Variants in GRAMD1C observed in about 807,000 individuals in gnomAD.
The protein encoded by GRAMD1C is GRAM domain containing 1C.
In GRAMD1C, 89 loss-of-function variants were observed where a neutral mutation model predicts 97.8. The observed-to-expected ratio is 0.91, with a 90% CI of 0.77 to 1.09. The LOEUF (loss-of-function observed/expected upper bound fraction) is 1.09. Among genes scored for constraint, GRAMD1C ranks in the 50% least tolerant of loss-of-function variants. GRAMD1C has a pLI of 0.00. For missense variants in GRAMD1C, 740 were observed against 766.4 expected, an observed-to-expected ratio of 0.97 and a Z score of 0.41; for synonymous variants, 256 against 267.0, an observed-to-expected ratio of 0.96 and a Z score of 0.40.
chr3:113,920,094 T>C, intron 10 of GRAMD1C: 2 of 1,299,242 alleles, frequency 1.5e-6, no homozygotes, highest in South Asian at 1.3e-5. Context: ...CAGGAGATCA[T>C]TTTATGAAGA....
rs375840725 is a variant in GRAMD1C, at chr3:113,915,567, C to G, written c.953-134C>G. 5 of 624,386 alleles carry G rather than the reference C, an allele frequency of 8.0e-6. No homozygotes were observed. In the East Asian group the frequency reaches 1.4e-4, roughly 18 times the overall value. The allele number at this position is 624,386 out of a possible 1,614,324, so 38.7% of individuals were successfully genotyped here. A position where few individuals can be genotyped will look rare whatever the true frequency, so the allele number is the denominator to read the frequency against. ...AGTTTTAATAGTGTCCTAGAATGTT[C>G]TCCTCATTGTAATCATATTTAAAAA... is the stretch of plus-strand genomic sequence containing the variant. On this transcript the variant is annotated intron_variant, in intron 9 of 17. Transcript: ENST00000358160.
chr3:113,882,862 A>C (rs1577159914), intron 6 of GRAMD1C, 30 bp downstream of exon 6: 2 of 1,080,734 alleles, frequency 1.9e-6, no homozygotes, highest in East Asian at 4.7e-5. Context: ...GCAGTTGCTT[A>C]TTATAAGAAC....
intron 2 of GRAMD1C, among the ~76,000 whole-genome samples, chr3:113,848,368 A>G (rs1933706786): frequency 6.6e-6 from 1 of 152,216 alleles, no homozygotes; most frequent in Non-Finnish European, 1.5e-5. Flanking sequence ...TGCCTTTCTG[A>G]CAGTAAGACT....
chr3:113,933,511 A>G lies in GRAMD1C; in HGVS notation c.1210A>G (p.Thr404Ala). 2 of 1,607,836 alleles carry G rather than the reference A, an allele frequency of 1.2e-6. No individual in the cohort carries two copies. The highest frequency in any genetic ancestry group is 8.5e-7 in the Non-Finnish European group (1 of 1,174,490). The change falls in exon 12 of 18, where the codon ACA (threonine) becomes GCA (alanine). Residue 404 changes from threonine to alanine, a missense_variant and splice_region_variant. By Grantham distance (58) the Thr-to-Ala change is moderately conservative. Transcript: ENST00000358160. ...AACATTTTTTATCTTACTTTGGCAG[A>G]CACTGTATAAAGAAAGTCGGGAAGC... Reference protein sequence around the residue: ...GKCTAATEKQTLYKESREARF... With the variant: ...GKCTAATEKQALYKESREARF...
At chr3:113,940,807 A>G (rs1937740381) in intron 17 of GRAMD1C, among the ~76,000 whole-genome samples, 1 of 152,234 alleles carries the variant, frequency 6.6e-6, no homozygotes. Flanking sequence ...ACAGCTGCAT[A>G]AGATTCAACT....
Position 113,896,950 on chromosome 3 carries a change from G to A in GRAMD1C, c.541-4081G>A, listed in dbSNP as rs531472675. Among the ~76,000 whole-genome samples, 74 of 152,234 alleles carry A rather than the reference G, an allele frequency of 4.9e-4. No homozygotes were observed. The Middle Eastern group carries it at 0.014, about 28-fold the overall frequency. On this transcript the variant is annotated intron_variant, in intron 6 of 17. Transcript: ENST00000358160. Reference sequence around the variant, plus strand: ...TATTATAGTCCAGATCACTGCCAGGGAATTATTCTAAATACACCAAAGTCA... The same window carrying A: ...TATTATAGTCCAGATCACTGCCAGGAAATTATTCTAAATACACCAAAGTCA...
At chr3:113,906,907 T>G (rs1382389012) in intron 8 of GRAMD1C, among the ~76,000 whole-genome samples, 1 of 152,220 alleles carries the variant, frequency 6.6e-6, no homozygotes, top group Admixed American at 6.5e-5. Context: ...TCCCACTGTG[T>G]TATACTGCCT....
At chr3:113,835,785 C>T (rs1709622452), upstream of GRAMD1C, among the ~76,000 whole-genome samples, 1 of 152,116 alleles carries the variant, frequency 6.6e-6, no homozygotes, top group Admixed American at 6.6e-5. Context: ...TACCCAGTGG[C>T]CTTCTTTTTG....
At chr3:113,923,835 A>G (rs1937144246) in intron 10 of GRAMD1C, among the ~76,000 whole-genome samples, 1 of 152,158 alleles carries the variant, frequency 6.6e-6, no homozygotes, top group Non-Finnish European at 1.5e-5. Context: ...ATTTTTTTGA[A>G]TAGTTTCAGT....
intron 3 of GRAMD1C, among the ~76,000 whole-genome samples, chr3:113,874,474 G>A (rs961954432): frequency 1.3e-4 from 19 of 151,892 alleles, no homozygotes; most frequent in African/African-American, 4.4e-4. Flanking sequence ...TCAGCCTCCT[G>A]AGTAGCTGGG....
chr3:113,845,972 A>T (rs1933593729), intron 2 of GRAMD1C, among the ~76,000 whole-genome samples: 1 of 152,178 alleles, frequency 6.6e-6, no homozygotes, highest in Non-Finnish European at 1.5e-5. Context: ...TTTCTAAGGA[A>T]AATATTTAAT....
Position 113,853,106 on chromosome 3 carries a change from A to C in GRAMD1C, c.174+8457A>C, listed in dbSNP as rs115147689. On this transcript the variant is annotated intron_variant, in intron 2 of 17. Coordinates refer to ENST00000358160, the MANE Select transcript of GRAMD1C (RefSeq NM_017577.5). Reference sequence around the variant, plus strand: ...ATTGTAAGGACAATAGAAGGAATTAAAAGTAGTATAAATGGATAGGAAATT... The same window carrying C: ...ATTGTAAGGACAATAGAAGGAATTACAAGTAGTATAAATGGATAGGAAATT... 9.5e-3 allele frequency among the ~76,000 whole-genome samples: 1,450 copies of C among 152,310 alleles called. 20 individuals are homozygous for C. The highest frequency in any genetic ancestry group is 0.032 in the African/African-American group (1,351 of 41,570).
intron 14 of GRAMD1C, 144 bp from the exon 15 acceptor site, chr3:113,937,942 T>C (rs1449146520): frequency 5.8e-6 from 3 of 517,732 alleles, no homozygotes; most frequent in Non-Finnish European, 3.4e-6. Flanking sequence ...GAGGCAGAGG[T>C]TGCGGTGAGC....
At chr3:113,901,197 C>A in intron 7 of GRAMD1C, 51 bp downstream of exon 7, 2 of 946,040 alleles carry the variant, frequency 2.1e-6, no homozygotes, top group Non-Finnish European at 3.4e-6. Flanking sequence ...TTAATCAAAG[C>A]AGAATTATTT....
At chr3:113,829,496 G>T (rs995765053) in intron 1 of GRAMD1C, among the ~76,000 whole-genome samples, 12 of 151,254 alleles carry the variant, frequency 7.9e-5, no homozygotes, top group Admixed American at 5.9e-4. Flanking sequence ...TTCTGTGTTT[G>T]CATTTGTGCA....
At chr3:113,910,862 A>G (rs150644936) in intron 9 of GRAMD1C, among the ~76,000 whole-genome samples, 2 of 152,278 alleles carry the variant, frequency 1.3e-5, no homozygotes, top group African/African-American at 4.8e-5. Flanking sequence ...ACCTAGATCC[A>G]GAGAGAAGGA....
chr3:113,927,571 C>T (rs1049005747), intron 10 of GRAMD1C, among the ~76,000 whole-genome samples: 1 of 152,204 alleles, frequency 6.6e-6, no homozygotes, highest in Non-Finnish European at 1.5e-5. Context: ...TGGATGTGGT[C>T]ACCTATTCTG....
At chr3:113,889,615 T>C (rs1935638424) in intron 6 of GRAMD1C, among the ~76,000 whole-genome samples, 2 of 152,046 alleles carry the variant, frequency 1.3e-5, no homozygotes, top group Admixed American at 6.6e-5. Flanking sequence ...AGGGGAACAG[T>C]AGAGATTTCC....
chr3:113,886,779 T>C (rs1935502245), intron 6 of GRAMD1C, among the ~76,000 whole-genome samples: 1 of 14,574 alleles, frequency 6.9e-5, no homozygotes. Context: ...GTTTGCTTGT[T>C]TTTTTTTTTT....
Sources: allele counts gnomAD v4.1 joint callset (sites outside exome capture counted in the v4.1 genomes callset), GRCh38; gene constraint gnomAD v4.1.1; transcripts MANE v1.5; gene names NCBI Gene and HGNC (gene_info 2026-07-23, HGNC 2026-07-21).